The following TNKS variants were observed in gnomAD, a reference collection of about 807,000 sequenced individuals.
TNKS encodes poly [ADP-ribose] polymerase tankyrase-1.
TNKS carries 72 observed loss-of-function variants against 135.8 expected under a neutral mutation model. That is an observed-to-expected ratio of 0.53 (90% CI 0.44 to 0.64). The LOEUF (loss-of-function observed/expected upper bound fraction) is 0.64. TNKS is among the 30% of genes least tolerant of loss of function. TNKS has a pLI of 0.00. For missense variants in TNKS, 1,769 were observed against 1,674.0 expected, an observed-to-expected ratio of 1.06 and a Z score of -0.99; for synonymous variants, 849 against 649.3, an observed-to-expected ratio of 1.31 and a Z score of -4.68.
rs182896667 is a variant in TNKS at position 9,626,382 on chromosome 8, C to T, written c.994+10705C>T. On this transcript the variant is annotated intron_variant, in intron 3 of 26. Coordinates refer to ENST00000310430, the MANE Select transcript of TNKS (RefSeq NM_003747.3). ...TTGTTTTTGAATTGGTATACTTAGG[C>T]GCTGTGAGATTTATGGCAAATTCCT... Among the ~76,000 whole-genome samples, 5 of 152,256 alleles carry T rather than the reference C, an allele frequency of 3.3e-5. No homozygotes were observed. In the South Asian group the frequency reaches 6.2e-4, roughly 19 times the overall value.
intron 11 of TNKS, among the ~76,000 whole-genome samples, chr8:9,715,146 G>A (rs1464444192): frequency 6.6e-6 from 1 of 152,124 alleles, no homozygotes; most frequent in East Asian, 1.9e-4. Context: ...AAGGCAGACT[G>A]GGGCATTACT....
chr8:9,630,002 T>A (rs1249189849), intron 3 of TNKS, among the ~76,000 whole-genome samples: 1 of 152,176 alleles, frequency 6.6e-6, no homozygotes, highest in African/African-American at 2.4e-5. Context: ...TCTTAATATT[T>A]AGGTCTCAGC....
intron 22 of TNKS, 22 bp downstream of exon 22, chr8:9,763,266 T>C (rs774774070): frequency 1.3e-5 from 19 of 1,486,962 alleles, no homozygotes; most frequent in East Asian, 1.1e-4. Flanking sequence ...CAGAAATCTT[T>C]CATTTGCTTT....
chr8:9,647,315 G>A (rs1800955971), intron 3 of TNKS, among the ~76,000 whole-genome samples: 1 of 152,146 alleles, frequency 6.6e-6, no homozygotes, highest in Admixed American at 6.5e-5. Flanking sequence ...ACAAGGGATA[G>A]AACAGTTGGA....
intron 11 of TNKS, among the ~76,000 whole-genome samples, chr8:9,715,507 T>G (rs1018439311): frequency 2.0e-5 from 3 of 152,016 alleles, no homozygotes; most frequent in African/African-American, 7.2e-5. Flanking sequence ...TACTCTTCAT[T>G]GTCCTGCTGT....
At chr8:9,667,416 C>T (rs1802046272) in intron 3 of TNKS, among the ~76,000 whole-genome samples, 1 of 152,212 alleles carries the variant, frequency 6.6e-6, no homozygotes, top group Non-Finnish European at 1.5e-5. Flanking sequence ...TATCGGGATG[C>T]TTGGCCCCTG....
At chr8:9,634,044 A>G (rs910781627) in intron 3 of TNKS, among the ~76,000 whole-genome samples, 4 of 150,808 alleles carry the variant, frequency 2.7e-5, no homozygotes, top group Non-Finnish European at 5.9e-5. Context: ...TTACTAATAC[A>G]CTATAGGAAT....
chr8:9,723,278 T>C (rs945510536), intron 12 of TNKS, among the ~76,000 whole-genome samples: 2 of 149,596 alleles, frequency 1.3e-5, no homozygotes, highest in African/African-American at 4.9e-5. Flanking sequence ...CTGAACTTTT[T>C]AGTTATTTAT....
At chr8:9,682,774 T>G (rs956395800) in intron 5 of TNKS, among the ~76,000 whole-genome samples, 1 of 151,254 alleles carries the variant, frequency 6.6e-6, no homozygotes, top group Non-Finnish European at 1.5e-5. Context: ...CAGAAGTATG[T>G]GAATGCGATA....
chr8:9,624,978 A>G (rs978107800), intron 3 of TNKS, among the ~76,000 whole-genome samples: 3 of 152,152 alleles, frequency 2.0e-5, no homozygotes, highest in South Asian at 2.1e-4. Flanking sequence ...TTGAATCCAT[A>G]AATGCAGAAC....
At chr8:9,613,708 A>G (rs1335907979) in intron 2 of TNKS, among the ~76,000 whole-genome samples, 1 of 152,196 alleles carries the variant, frequency 6.6e-6, no homozygotes, top group African/African-American at 2.4e-5. Context: ...TTTTAATGTC[A>G]CCTAAAGTAC....
chr8:9,761,993 C>T (rs1405206856), intron 21 of TNKS, among the ~76,000 whole-genome samples: 1 of 152,234 alleles, frequency 6.6e-6, no homozygotes, highest in Admixed American at 6.5e-5. Context: ...AGTACCTTCT[C>T]TACAATGTGA....
intron 3 of TNKS, among the ~76,000 whole-genome samples, chr8:9,674,604 A>C (rs530140769): frequency 1.0e-3 from 152 of 152,290 alleles, no homozygotes; most frequent in African/African-American, 3.5e-3. Context: ...ACCTGTGCCT[A>C]CTGAATACCT....
chr8:9,679,387 G>T (rs1360603864), intron 3 of TNKS, among the ~76,000 whole-genome samples: 2 of 152,088 alleles, frequency 1.3e-5, no homozygotes, highest in East Asian at 3.9e-4. Flanking sequence ...CGTATTTCTA[G>T]TCTACAGACC....
At chr8:9,757,939 T>TA (rs1806930052) in intron 20 of TNKS, among the ~76,000 whole-genome samples, 1 of 152,244 alleles carries the variant, frequency 6.6e-6, no homozygotes, top group South Asian at 2.1e-4. Context: ...GCCTGATAGA[T>TA]ATGTGGACAA....
intron 17 of TNKS, among the ~76,000 whole-genome samples, chr8:9,735,854 C>T (rs536358774): frequency 9.2e-5 from 14 of 152,002 alleles, no homozygotes; most frequent in African/African-American, 2.4e-4. Flanking sequence ...CTGGCATTTA[C>T]GACTTTATTA....
rs182314418 is a variant in TNKS, at chr8:9,753,479, G to A, written c.3153+853G>A. 5.0e-4 allele frequency among the ~76,000 whole-genome samples: 76 copies of A among 152,308 alleles called. 2 individuals carry two copies. The highest frequency in any genetic ancestry group is 3.4e-3 in the Admixed American group (52 of 15,306). Reference sequence around the variant, plus strand: ...TCTTAAATGTCTGTGAAGGTCTAAGGATGGAGTCATCATTAGGGCATTTAT... The same window carrying A: ...TCTTAAATGTCTGTGAAGGTCTAAGAATGGAGTCATCATTAGGGCATTTAT... On this transcript the variant is annotated intron_variant, in intron 20 of 26. Transcript: ENST00000310430.
intron 2 of TNKS, among the ~76,000 whole-genome samples, chr8:9,607,282 T>C (rs1192475842): frequency 2.0e-5 from 3 of 152,230 alleles, no homozygotes; most frequent in Admixed American, 1.3e-4. Context: ...TTTGACTTAA[T>C]TGAAGACAGC....
At position 9,580,278 on chromosome 8, in the gene TNKS, G is replaced by A. The variant is rs763805904; in HGVS notation, c.793G>A (p.Val265Met). The A allele has an allele frequency of 6.2e-7, 1 of 1,614,166 alleles. No homozygotes were observed. Among genetic ancestry groups the A allele is most frequent in the Non-Finnish European group, 8.5e-7 (1 of 1,180,034 alleles). ...NACSFGHAEV[V>M]SLLLCQGADP... ...CTGTTCTTTTGGCCATGCTGAGGTT[G>A]TGAGTCTGTTATTGTGCCAAGGAGC... Residue 265 changes from valine to methionine, a missense_variant, in exon 2 of 27, where the codon GTG becomes ATG. Coordinates refer to ENST00000310430, the MANE Select transcript of TNKS (RefSeq NM_003747.3).
Sources: gnomAD v4.1 joint callset for allele counts (sites outside exome capture counted in the v4.1 genomes callset) on GRCh38, gnomAD v4.1.1 for gene constraint, MANE v1.5 for transcripts, NCBI Gene and HGNC (gene_info 2026-07-23, HGNC 2026-07-21) for gene names.